The following PTPRQ variants were observed in gnomAD, a reference collection of about 807,000 sequenced individuals.
PTPRQ encodes protein tyrosine phosphatase receptor type Q, also known as phosphatidylinositol phosphatase PTPRQ.
In PTPRQ, 199 loss-of-function variants were observed where a neutral mutation model predicts 246.0. The ratio of observed to expected loss-of-function variants is 0.81; its 90% CI spans 0.72 to 0.91. The LOEUF is 0.91. PTPRQ is among the 40% of genes least tolerant of loss of function. The pLI, the probability that PTPRQ is intolerant of heterozygous loss-of-function variation, is 0.00. For synonymous variants in PTPRQ, 869 were observed against 853.2 expected (o/e 1.02, Z -0.32); for missense variants, 2,624 against 2,528.4 (o/e 1.04, Z -0.81).
chr12:80,493,408 A>G lies in PTPRQ; in HGVS notation c.1493A>G (p.Lys498Arg), dbSNP rs1052733730. The G allele has an allele frequency of 3.9e-6, 6 of 1,550,014 alleles. No homozygotes were observed. In the African/African-American group the frequency reaches 5.5e-5, roughly 14 times the overall value. ...TTTATATATAACAGCCATCCAGATA[A>G]AAACTTTCCTGCAAGGAATAGAGCT... ...ATFIYNSHPD[K>R]NFPARNRAED... The change falls in exon 10 of 45, where the codon AAA (lysine) becomes AGA (arginine). Residue 498 changes from lysine to arginine, a missense_variant. Lys to Arg is a conservative substitution (Grantham distance 26). Transcript: ENST00000644991.
In PTPRQ at chr12:80,572,399, T is replaced by C. The variant is rs551471507; in HGVS notation, c.4286-15730T>C. Among the ~76,000 whole-genome samples, 8 of 152,198 alleles carry C rather than the reference T, an allele frequency of 5.3e-5. No individual in the cohort carries two copies. The South Asian group carries it at 1.7e-3, about 32-fold the overall frequency. On this transcript the variant is annotated intron_variant, in intron 25 of 44. Coordinates refer to ENST00000644991, the MANE Select transcript of PTPRQ (RefSeq NM_001145026.2). ...TTAAATTTACTTCTTAGTTCTGGAATGTTAAAAAAATTTAAATAATATTCT... is the reference window on the plus strand; with the variant it reads ...TTAAATTTACTTCTTAGTTCTGGAACGTTAAAAAAATTTAAATAATATTCT...
At chr12:80,653,602 A>G (rs1349197451) in intron 38 of PTPRQ, among the ~76,000 whole-genome samples, 1 of 152,162 alleles carries the variant, frequency 6.6e-6, no homozygotes, top group East Asian at 1.9e-4. Context: ...GTGTGTGTAT[A>G]TATATATTTT....
At chr12:80,642,194 G>A (rs756641376) in intron 35 of PTPRQ, among the ~76,000 whole-genome samples, 1 of 152,202 alleles carries the variant, frequency 6.6e-6, no homozygotes, top group Non-Finnish European at 1.5e-5. Flanking sequence ...GTTTTCTGAG[G>A]TTGCTTCTAA....
chr12:80,530,213 C>A (rs1351033673), intron 17 of PTPRQ, among the ~76,000 whole-genome samples: 1 of 152,114 alleles, frequency 6.6e-6, no homozygotes, highest in Non-Finnish European at 1.5e-5. Context: ...GTGGTCACAA[C>A]TAATTTCTTT....
In PTPRQ at chr12:80,575,839, C is replaced by CAA. The variant is rs201432092; in HGVS notation, c.4286-12273_4286-12272dup. On this transcript the variant is annotated intron_variant, in intron 25 of 44. Transcript: ENST00000644991. ...GGGCAACAAGAGCGAAACCCCATCT[C>CAA]AAAAAAAAAAAAAAAAAAGAAAAAA... Among the ~76,000 whole-genome samples, 203 of 47,084 alleles carry CAA rather than the reference C, an allele frequency of 4.3e-3. 1 individual carries two copies. The East Asian group carries it at 0.049, about 11-fold the overall frequency. 30.9% of individuals were successfully genotyped at this position (47,084 alleles called of 152,430 possible).
chr12:80,454,669 A>G, intron 3 of PTPRQ: 1 of 613,078 alleles, frequency 1.6e-6, no homozygotes, highest in African/African-American at 1.8e-5. Context: ...GAGGGTTTTT[A>G]TCATGAAGGG....
intron 17 of PTPRQ, among the ~76,000 whole-genome samples, chr12:80,520,482 G>A (rs1895442210): frequency 6.6e-6 from 1 of 151,722 alleles, no homozygotes. Context: ...TTAACATTAG[G>A]TGTATCTCCT....
intron 3 of PTPRQ, among the ~76,000 whole-genome samples, chr12:80,452,502 A>G (rs899587243): frequency 2.0e-5 from 3 of 152,094 alleles, no homozygotes; most frequent in Admixed American, 6.6e-5. Flanking sequence ...AGTGGCTGGT[A>G]CCGGTTGTTC....
chr12:80,538,308 T>G (rs962561151), intron 19 of PTPRQ, among the ~76,000 whole-genome samples: 19 of 152,192 alleles, frequency 1.2e-4, no homozygotes, highest in African/African-American at 4.1e-4. Flanking sequence ...TGTTACAAAT[T>G]TGTTACATGC....
At position 80,603,777 on chromosome 12, in the gene PTPRQ, C is replaced by T. The variant is rs115142423; in HGVS notation, c.4610-1282C>T. 9.9e-3 allele frequency among the ~76,000 whole-genome samples: 1,508 copies of T among 151,672 alleles called. 20 individuals are homozygous for T. Among genetic ancestry groups the T allele is most frequent in the African/African-American group, 0.034 (1,415 of 41,462 alleles). ...CCTTCTCATCTATCAAAGACTAGTG[C>T]AATTCCCACCTTCACTGTGCATCTT... On this transcript the variant is annotated intron_variant, in intron 26 of 44. Coordinates refer to ENST00000644991, the MANE Select transcript of PTPRQ (RefSeq NM_001145026.2).
intron 25 of PTPRQ, among the ~76,000 whole-genome samples, chr12:80,567,332 A>C (rs368996290): frequency 6.6e-6 from 1 of 152,204 alleles, no homozygotes; most frequent in East Asian, 1.9e-4. Flanking sequence ...TTTATGGGAA[A>C]GCTTTTTTCA....
intron 17 of PTPRQ, among the ~76,000 whole-genome samples, chr12:80,532,595 G>C (rs901298289): frequency 9.9e-5 from 15 of 152,120 alleles, no homozygotes; most frequent in Admixed American, 6.6e-4. Flanking sequence ...CCAATGATAA[G>C]AGTATGGAAT....
chr12:80,607,948 C>G (rs1898389499), intron 27 of PTPRQ, among the ~76,000 whole-genome samples: 1 of 150,668 alleles, frequency 6.6e-6, no homozygotes, highest in Admixed American at 6.6e-5. Flanking sequence ...GTGGTACACA[C>G]TGGAATAGAA....
rs575949786 is a variant in PTPRQ at position 80,445,359 on chromosome 12, C to T, written c.164-132C>T. 9 of 595,630 alleles carry T rather than the reference C, an allele frequency of 1.5e-5. No individual in the cohort carries two copies. The East Asian group carries it at 2.5e-4, about 17-fold the overall frequency. The allele number at this position is 595,630 out of a possible 1,614,324, so 36.9% of individuals were successfully genotyped here. A position where few individuals can be genotyped will look rare whatever the true frequency, so the allele number is the denominator to read the frequency against. On this transcript the variant is annotated intron_variant, in intron 2 of 44. Coordinates refer to ENST00000644991, the MANE Select transcript of PTPRQ (RefSeq NM_001145026.2). The stretch of plus-strand genomic sequence containing the variant: ...TAGTATTTTTTTAATAGTAACAGAG[C>T]TGTAGGGAGTGTGAACTCATATTGC...
At chr12:80,643,002 T>C (rs1422687576) in intron 35 of PTPRQ, among the ~76,000 whole-genome samples, 2 of 150,628 alleles carry the variant, frequency 1.3e-5, no homozygotes, top group Non-Finnish European at 2.9e-5. Context: ...AATAGTGTGA[T>C]GAGAAAGGAA....
intron 6 of PTPRQ, among the ~76,000 whole-genome samples, chr12:80,463,993 G>T (rs1294552664): frequency 1.3e-5 from 2 of 151,614 alleles, no homozygotes; most frequent in Non-Finnish European, 2.9e-5. Flanking sequence ...ACATCATACT[G>T]ACAGGTTCAA....
chr12:80,522,171 A>ACTCATGTT (rs1565761819), intron 17 of PTPRQ, among the ~76,000 whole-genome samples: 5 of 152,018 alleles, frequency 3.3e-5, no homozygotes, highest in Non-Finnish European at 5.9e-5. Flanking sequence ...TTTGTCTGTT[A>ACTCATGTT]TTGGTATATA....
chr12:80,564,851 A>T (rs1896931908), intron 25 of PTPRQ, among the ~76,000 whole-genome samples: 1 of 152,184 alleles, frequency 6.6e-6, no homozygotes, highest in East Asian at 1.9e-4. Flanking sequence ...GTTTTCTTCC[A>T]TTATTTCACA....
At chr12:80,529,576 T>C (rs1009491515) in intron 17 of PTPRQ, among the ~76,000 whole-genome samples, 2 of 152,156 alleles carry the variant, frequency 1.3e-5, no homozygotes, top group African/African-American at 4.8e-5. Flanking sequence ...CTTGGTGTTG[T>C]AAGAGAGAAA....
Sources: gnomAD v4.1 joint callset for allele counts (sites outside exome capture counted in the v4.1 genomes callset) on GRCh38, gnomAD v4.1.1 for gene constraint, MANE v1.5 for transcripts, NCBI Gene and HGNC (gene_info 2026-07-23, HGNC 2026-07-21) for gene names.